NLRP12: variants seen among roughly 807,000 people sequenced by gnomAD.
The protein encoded by NLRP12 is NLR family pyrin domain containing 12, also known as NACHT, LRR and PYD domains-containing protein 12.
A neutral mutation model predicts 91.2 loss-of-function variants in NLRP12; 108 were observed. The ratio of observed to expected loss-of-function variants is 1.18; its 90% confidence interval spans 1.01 to 1.39. NLRP12 has a LOEUF of 1.39. Among genes scored for constraint, NLRP12 ranks in the 40% most tolerant of loss-of-function variants. The pLI, the probability that NLRP12 is intolerant of heterozygous loss-of-function variation, is 0.00. For missense variants in NLRP12, 1,530 were observed against 1,352.7 expected, an observed-to-expected ratio of 1.13 and a Z score of -2.06; for synonymous variants, 613 against 566.7, an observed-to-expected ratio of 1.08 and a Z score of -1.16.
At chr19:53,811,865 C>T (rs942709657) in intron 2 of NLRP12, among the ~76,000 whole-genome samples, 3 of 152,032 alleles carry the variant, frequency 2.0e-5, no homozygotes, top group Admixed American at 6.6e-5. Flanking sequence ...GTGTCCAGCC[C>T]CACAAAGTGA....
rs1159116473 is a variant in NLRP12 at position 53,812,319 on chromosome 19, G to T, written c.371-1031C>A. Reference sequence around the variant, plus strand: ...TACATATCATGCAGCAATCTTGTTAGAAATGCAGTCCCTGGGCTAAGTGCA... The same window carrying T: ...TACATATCATGCAGCAATCTTGTTATAAATGCAGTCCCTGGGCTAAGTGCA... On this transcript the variant is annotated intron_variant, in intron 2 of 9. Transcript: ENST00000324134. Among the ~76,000 whole-genome samples the T allele has an allele frequency of 2.7e-5, 4 of 150,462 alleles. No homozygotes were observed. The South Asian group carries it at 8.4e-4, about 32-fold the overall frequency.
rs62143204 is a variant in NLRP12 at position 53,819,696 on chromosome 19, C to T, written c.289+4190G>A. Among the ~76,000 whole-genome samples the T allele has an allele frequency of 6.3e-4, 6 of 9,580 alleles. 1 individual carries two copies. Among genetic ancestry groups the T allele is most frequent in the East Asian group, 2.6e-3 (1 of 388 alleles). 6.3% of individuals were successfully genotyped at this position (9,580 alleles called of 152,430 possible). A position where few individuals can be genotyped will look rare whatever the true frequency, so the allele number is the denominator to read the frequency against. The stretch of plus-strand genomic sequence containing the variant: ...ATATGTATGTATACATATATATACA[C>T]ACACACACACGTATATATATATGTA... On this transcript the variant is annotated intron_variant, in intron 1 of 9. Coordinates refer to ENST00000324134, the MANE Select transcript of NLRP12 (RefSeq NM_144687.4).
At chr19:53,797,510 C>T (rs10407335) in intron 8 of NLRP12, among the ~76,000 whole-genome samples, 26,804 of 152,006 alleles carry the variant, frequency 0.18, 2,746 homozygotes, top group South Asian at 0.36. Context: ...ATCTCGCCTC[C>T]CAGGTTCAAG....
intron 9 of NLRP12, among the ~76,000 whole-genome samples, chr19:53,795,349 G>A (rs2091734208): frequency 6.6e-6 from 1 of 150,674 alleles, no homozygotes; most frequent in Non-Finnish European, 1.5e-5. Context: ...CAATTGGTGA[G>A]CCACGATGGT....
intron 3 of NLRP12, chr19:53,808,499 G>A (rs141702385): frequency 0.025 from 3,831 of 151,984 alleles, 69 homozygotes; most frequent in Non-Finnish European, 0.037. Context: ...GGCTGAGGCC[G>A]AGAGTTTGAG....
intron 9 of NLRP12, 129 bp from the exon 10 acceptor site, chr19:53,794,265 G>T: frequency 2.6e-6 from 2 of 756,518 alleles, no homozygotes; most frequent in South Asian, 2.9e-5. Flanking sequence ...ACCCAACGCT[G>T]CTGGAAAGTA....
intron 1 of NLRP12, among the ~76,000 whole-genome samples, chr19:53,815,744 G>GACTACAGGCATGTGTCACCACGCCCGT (rs2092148859): frequency 6.6e-6 from 1 of 151,858 alleles, no homozygotes; most frequent in African/African-American, 2.4e-5. Flanking sequence ...GAGTAGCTGG[G>GACTACAGGCATGTGTCACCACGCCCGT]ACTACAGGCA....
intron 6 of NLRP12, among the ~76,000 whole-genome samples, chr19:53,802,040 T>C (rs1257443371): frequency 2.6e-5 from 4 of 151,884 alleles, no homozygotes; most frequent in African/African-American, 9.7e-5. Flanking sequence ...CCATCCTGGC[T>C]AACATGGTGA....
intron 1 of NLRP12, among the ~76,000 whole-genome samples, chr19:53,823,460 TAAATATATATTTA>T (rs1568702960): frequency 8.1e-5 from 9 of 111,192 alleles, no homozygotes; most frequent in Non-Finnish European, 1.0e-4. Context: ...ATATATATTT[TAAATATATATTTA>T]AAATATATAT....
At chr19:53,807,147 A>T (rs1182637561) in intron 4 of NLRP12, among the ~76,000 whole-genome samples, 2 of 152,076 alleles carry the variant, frequency 1.3e-5, no homozygotes, top group Non-Finnish European at 2.9e-5. Context: ...GGCTCACTGC[A>T]ACCTCCGCCT....
intron 1 of NLRP12, among the ~76,000 whole-genome samples, chr19:53,822,300 G>T (rs2092272953): frequency 6.6e-6 from 1 of 152,044 alleles, no homozygotes; most frequent in African/African-American, 2.4e-5. Flanking sequence ...GATCTCCCAG[G>T]CTCAGGGATT....
Position 53,819,660 on chromosome 19 carries a change from C to CGTATATATATGCGTATATATGT in NLRP12, c.289+4225_289+4226insACATATATACGCATATATATAC, listed in dbSNP as rs1568696761. 3.1e-3 allele frequency among the ~76,000 whole-genome samples: 66 copies of CGTATATATATGCGTATATATGT among 21,148 alleles called. 15 individuals carry two copies. The highest frequency in any genetic ancestry group is 5.4e-3 in the Non-Finnish European group (51 of 9,530). The allele number at this position is 21,148 out of a possible 152,430, so 13.9% of individuals were successfully genotyped here. On this transcript the variant is annotated intron_variant, in intron 1 of 9. Coordinates refer to ENST00000324134, the MANE Select transcript of NLRP12 (RefSeq NM_144687.4). ...ATGTATGTATACGTATATATATACA[C>CGTATATATATGCGTATATATGT]ATGTATACATATATGTATGTATACA...
chr19:53,804,267 G>T, intron 5 of NLRP12, 145 bp from the exon 6 acceptor site: 2 of 913,558 alleles, frequency 2.2e-6, no homozygotes, highest in Non-Finnish European at 3.4e-6. Context: ...ATATCAACTC[G>T]CTGAAGCCTC....
In NLRP12 at chr19:53,810,478, T is replaced by C. The variant is rs1473240244; in HGVS notation, c.1181A>G (p.Asn394Ser). ...GAAGCACATGGTGAAGAGAGGCTCG[T>C]TGTCCCTCACGTAATTGAAGACTTG... ...AGQVFNYVRDNEPLFTMCFVP... is the reference protein window; with the variant it reads ...AGQVFNYVRDSEPLFTMCFVP... Residue 394 changes from asparagine to serine, a missense_variant, in exon 3 of 10, where the codon AAC (asparagine) becomes AGC (serine). Transcript: ENST00000324134. 3 of 1,614,120 alleles carry C rather than the reference T, an allele frequency of 1.9e-6. No individual in the cohort carries two copies. Among genetic ancestry groups the C allele is most frequent in the Admixed American group, 1.7e-5 (1 of 59,992 alleles).
chr19:53,822,736 T>A (rs1376018131), intron 1 of NLRP12, among the ~76,000 whole-genome samples: 30 of 120,548 alleles, frequency 2.5e-4, no homozygotes, highest in African/African-American at 8.0e-4. Context: ...GACTCAGTCT[T>A]AAAAAAAAAA....
chr19:53,815,147 C>T (rs1337926321), intron 1 of NLRP12, among the ~76,000 whole-genome samples, 159 bp from the exon 2 acceptor site: 2 of 151,918 alleles, frequency 1.3e-5, no homozygotes, highest in Non-Finnish European at 2.9e-5. Context: ...GGAAATAGCT[C>T]ATCCCTTGTT....
At chr19:53,823,144 C>CACATATATACACATATATATAT (rs1555799781) in intron 1 of NLRP12, among the ~76,000 whole-genome samples, 18 of 10,472 alleles carry the variant, frequency 1.7e-3, no homozygotes, top group Non-Finnish European at 3.9e-3. Context: ...CATATATATA[C>CACATATATACACATATATATAT]GTGTGTGTAT....
Position 53,824,259 on chromosome 19 carries a change from C to T in NLRP12, c.-85G>A. 7.3e-7 allele frequency: 1 copy of T among 1,376,598 alleles called. No homozygotes were observed. The highest frequency in any genetic ancestry group is 1.0e-6 in the Non-Finnish European group (1 of 980,448). The allele number at this position is 1,376,598 out of a possible 1,614,324, so 85.3% of individuals were successfully genotyped here. A position where few individuals can be genotyped will look rare whatever the true frequency, so the allele number is the denominator to read the frequency against. Reference sequence around the variant, plus strand: ...ACACAGGGCGACCCCAGCACACCTTCCATTGCATCATTCACAGGCAGCGGG... The same window carrying T: ...ACACAGGGCGACCCCAGCACACCTTTCATTGCATCATTCACAGGCAGCGGG... On this transcript the variant is annotated 5_prime_UTR_variant, in exon 1 of 10. It introduces an in-frame stop codon into an upstream open reading frame of the 5' UTR. Coordinates refer to ENST00000324134, the MANE Select transcript of NLRP12 (RefSeq NM_144687.4).
Position 53,810,844 on chromosome 19 carries a change from C to A in NLRP12, c.815G>T (p.Trp272Leu). 6.2e-7 allele frequency: 1 copy of A among 1,614,082 alleles called. No individual in the cohort carries two copies. Residue 272 changes from tryptophan (W) to leucine (L), a missense_variant, in exon 3 of 10, where the codon TGG (tryptophan) becomes TTG (leucine). Coordinates refer to ENST00000324134, the MANE Select transcript of NLRP12 (RefSeq NM_144687.4). ...CSMQDLIFSC[W>L]PEPSAPLQEL... ...CTGGAGAGGCGCGCTGGGCTCAGGC[C>A]AGCAGCTGAAGATGAGGTCTTGCAT...
Sources: allele counts gnomAD v4.1 joint callset (sites outside exome capture counted in the v4.1 genomes callset), GRCh38; gene constraint gnomAD v4.1.1; transcripts MANE v1.5; gene names NCBI Gene and HGNC (gene_info 2026-07-23, HGNC 2026-07-21).